The following CCDC126 variants were observed in gnomAD, a reference collection of about 807,000 sequenced individuals.
The protein encoded by CCDC126 is coiled-coil domain containing 126, also known as coiled-coil domain-containing protein 126.
A neutral mutation model predicts 11.7 loss-of-function variants in CCDC126; 5 were observed. The ratio of observed to expected loss-of-function variants is 0.43; its 90% confidence interval spans 0.22 to 0.90. CCDC126 has a LOEUF of 0.90. Among genes scored for constraint, CCDC126 ranks in the 40% least tolerant of loss-of-function variants. The pLI, the probability that CCDC126 is intolerant of heterozygous loss-of-function variation, is 0.27. For missense variants in CCDC126, 150 were observed against 163.1 expected, an observed-to-expected ratio of 0.92 and a Z score of 0.44; for synonymous variants, 60 against 61.9, an observed-to-expected ratio of 0.97 and a Z score of 0.14.
intron 2 of CCDC126, among the ~76,000 whole-genome samples, chr7:23,600,375 C>CACCA (rs1491336956): frequency 8.9e-5 from 5 of 56,134 alleles, no homozygotes; most frequent in African/African-American, 3.2e-4. Flanking sequence ...TCTGTGTTAA[C>CACCA]CCCCCCCCCC....
At chr7:23,620,267 C>T (rs924862687) in intron 3 of CCDC126, among the ~76,000 whole-genome samples, 5 of 152,132 alleles carry the variant, frequency 3.3e-5, no homozygotes, top group East Asian at 3.9e-4. Context: ...TTTTAATGAT[C>T]GCCATTCTAA....
chr7:23,600,352 C>T (rs549727398), intron 2 of CCDC126, among the ~76,000 whole-genome samples: 17 of 146,252 alleles, frequency 1.2e-4, no homozygotes, highest in African/African-American at 3.8e-4. Flanking sequence ...TATTATGGAG[C>T]GAATGGCTGT....
chr7:23,624,143 C>G, intron 3 of CCDC126, among the ~76,000 whole-genome samples: 1 of 152,178 alleles, frequency 6.6e-6, no homozygotes, highest in South Asian at 2.1e-4. Flanking sequence ...AGTTTTGTTA[C>G]TGTGGTCTCC....
At chr7:23,637,237 C>T (rs1352208692) in intron 3 of CCDC126, among the ~76,000 whole-genome samples, 5 of 37,490 alleles carry the variant, frequency 1.3e-4, no homozygotes, top group African/African-American at 5.7e-4. Flanking sequence ...CCGGCCGCCC[C>T]GTTCGGGAGG....
intron 2 of CCDC126, among the ~76,000 whole-genome samples, chr7:23,610,355 G>A (rs1335852695): frequency 6.6e-6 from 1 of 152,090 alleles, no homozygotes; most frequent in Non-Finnish European, 1.5e-5. Flanking sequence ...GGGACTACAG[G>A]CGCATGCCAC....
At chr7:23,634,305 T>C (rs1783167216) in intron 3 of CCDC126, among the ~76,000 whole-genome samples, 1 of 151,744 alleles carries the variant, frequency 6.6e-6, no homozygotes, top group Non-Finnish European at 1.5e-5. Context: ...AGCATGGTGG[T>C]GTGTGCCTGT....
chr7:23,629,114 C>G (rs535786899), intron 3 of CCDC126, among the ~76,000 whole-genome samples: 2 of 152,280 alleles, frequency 1.3e-5, no homozygotes, highest in East Asian at 3.9e-4. Context: ...AGGTCTCAGA[C>G]TGAATGAAAA....
chr7:23,642,782 G>T, intron 3 of CCDC126, 149 bp from the exon 4 acceptor site: 1 of 598,042 alleles, frequency 1.7e-6, no homozygotes. Flanking sequence ...AAAAAATTAG[G>T]CTTTTCCTAT....
At chr7:23,619,576 T>A (rs57506149) in intron 3 of CCDC126, 10 of 226,920 alleles carry the variant, frequency 4.4e-5, no homozygotes, top group Non-Finnish European at 7.0e-5. Flanking sequence ...TTTCTTTTTT[T>A]TAAGAAAAAT....
chr7:23,623,441 A>G (rs1782959795), intron 3 of CCDC126, among the ~76,000 whole-genome samples: 1 of 152,060 alleles, frequency 6.6e-6, no homozygotes, highest in Admixed American at 6.6e-5. Context: ...TACTAAGAAT[A>G]CAAAGTTGGC....
chr7:23,624,732 G>A (rs928817593), intron 3 of CCDC126, among the ~76,000 whole-genome samples: 2 of 152,136 alleles, frequency 1.3e-5, no homozygotes, highest in Non-Finnish European at 2.9e-5. Flanking sequence ...AAATGGCATC[G>A]TACTGTACAT....
At chr7:23,619,197 C>T (rs1443245818) in intron 3 of CCDC126, 1 of 164,880 alleles carries the variant, frequency 6.1e-6, no homozygotes, top group Non-Finnish European at 1.3e-5. Flanking sequence ...TGAATTGCTT[C>T]ATAGAAAATA....
chr7:23,622,675 T>A, intron 3 of CCDC126: 2 of 533,196 alleles, frequency 3.8e-6, no homozygotes, highest in Non-Finnish European at 7.6e-6. Context: ...CCTATGCAGA[T>A]GACTGCTTAG....
In CCDC126 at chr7:23,622,982, T is replaced by TG. The variant is rs1197529492; in HGVS notation, c.238+11429_238+11430insG. ...ATATGCTCACTCTTTTTTTTTTTTT[T>TG]TTTTTTTTGAGATGAAGTTTTGCTC... On this transcript the variant is annotated intron_variant, in intron 3 of 3. Coordinates refer to ENST00000307471, the MANE Select transcript of CCDC126 (RefSeq NM_138771.4). 9.0e-4 allele frequency among the ~76,000 whole-genome samples: 133 copies of TG among 148,232 alleles called. 1 individual carries two copies. Among genetic ancestry groups the TG allele is most frequent in the Admixed American group, 7.4e-4 (11 of 14,856 alleles).
chr7:23,627,878 A>G (rs1201289808), intron 3 of CCDC126, among the ~76,000 whole-genome samples: 2 of 152,102 alleles, frequency 1.3e-5, no homozygotes, highest in African/African-American at 4.8e-5. Context: ...GGTATGAGCT[A>G]CCACTCCCAG....
intron 3 of CCDC126, among the ~76,000 whole-genome samples, chr7:23,625,564 G>A (rs1327564695): frequency 1.3e-5 from 2 of 149,166 alleles, no homozygotes; most frequent in East Asian, 3.9e-4. Context: ...TTGGCTGTTT[G>A]TATTTCTTGT....
At chr7:23,613,602 AC>A (rs1378397210) in intron 3 of CCDC126, among the ~76,000 whole-genome samples, 2 of 151,238 alleles carry the variant, frequency 1.3e-5, no homozygotes, top group Non-Finnish European at 3.0e-5. Context: ...CATTCCATCC[AC>A]CCCCCAGGCT....
chr7:23,612,851 C>T (rs987349931), intron 3 of CCDC126, among the ~76,000 whole-genome samples: 4 of 152,148 alleles, frequency 2.6e-5, no homozygotes, highest in Non-Finnish European at 5.9e-5. Flanking sequence ...GCTGTTCTCC[C>T]TTTCACATTA....
Position 23,627,579 on chromosome 7 carries a change from AAAAG to A in CCDC126, c.239-15346_239-15343del, listed in dbSNP as rs1178397478. ...TGAGACTCTGTCTCAGAAAAAAAAA[AAAAG>A]AAAGACTGTATAAATATTTTAGGAG... On this transcript the variant is annotated intron_variant, in intron 3 of 3. Coordinates refer to ENST00000307471, the MANE Select transcript of CCDC126 (RefSeq NM_138771.4). 1.0e-3 allele frequency among the ~76,000 whole-genome samples: 153 copies of A among 152,088 alleles called. 1 individual carries two copies. Among genetic ancestry groups the A allele is most frequent in the South Asian group, 1.9e-3 (9 of 4,806 alleles).
Sources: gnomAD v4.1 joint callset for allele counts (sites outside exome capture counted in the v4.1 genomes callset) on GRCh38, gnomAD v4.1.1 for gene constraint, MANE v1.5 for transcripts, NCBI Gene and HGNC (gene_info 2026-07-23, HGNC 2026-07-21) for gene names.